HOMER1: variants seen among roughly 807,000 people sequenced by gnomAD.
HOMER1 encodes homer protein homolog 1.
Under a neutral mutation model 48.9 loss-of-function variants are expected in HOMER1, and 3 were observed. The ratio of observed to expected loss-of-function variants is 0.06; its 90% confidence interval spans 0.03 to 0.16. HOMER1 has a LOEUF of 0.16. HOMER1 is among the 10% of genes least tolerant of loss of function. HOMER1 has a pLI of 1.00. For missense variants in HOMER1, 247 were observed against 411.4 expected (o/e 0.60, Z 3.46); for synonymous variants, 134 against 146.4 (o/e 0.92, Z 0.61).
At chr5:79,505,217 C>T (rs1752714242) in intron 1 of HOMER1, among the ~76,000 whole-genome samples, 1 of 152,046 alleles carries the variant, frequency 6.6e-6, no homozygotes, top group Non-Finnish European at 1.5e-5. Flanking sequence ...TGAGATGGTG[C>T]CACTTCACTC....
At chr5:79,389,342 GA>G (rs1350032787) in intron 8 of HOMER1, among the ~76,000 whole-genome samples, 1 of 152,060 alleles carries the variant, frequency 6.6e-6, no homozygotes, top group Non-Finnish European at 1.5e-5. Context: ...CCATCCACAA[GA>G]AGATAAGCTT....
intron 6 of HOMER1, among the ~76,000 whole-genome samples, chr5:79,401,526 AC>A (rs1749537139): frequency 6.6e-6 from 1 of 152,114 alleles, no homozygotes; most frequent in Non-Finnish European, 1.5e-5. Context: ...CACCGTCAAC[AC>A]CCAAAGCTAA....
chr5:79,511,077 A>G (rs1354615835), intron 1 of HOMER1, among the ~76,000 whole-genome samples: 2 of 152,240 alleles, frequency 1.3e-5, no homozygotes, highest in African/African-American at 4.8e-5. Context: ...TGCAGCTTAA[A>G]GGTTCTGGAA....
chr5:79,499,113 C>A (rs1010528834), intron 1 of HOMER1, among the ~76,000 whole-genome samples: 1 of 152,078 alleles, frequency 6.6e-6, no homozygotes, highest in African/African-American at 2.4e-5. Context: ...GGATTACAGG[C>A]ATAAGCCACC....
At chr5:79,494,994 T>C (rs1752382070) in intron 1 of HOMER1, among the ~76,000 whole-genome samples, 1 of 152,238 alleles carries the variant, frequency 6.6e-6, no homozygotes, top group East Asian at 1.9e-4. Context: ...TCTAAAGTCA[T>C]ATGCAGGAAG....
intron 1 of HOMER1, among the ~76,000 whole-genome samples, chr5:79,464,025 C>T (rs1751388236): frequency 6.6e-6 from 1 of 152,164 alleles, no homozygotes; most frequent in East Asian, 1.9e-4. Flanking sequence ...AATTACTTCG[C>T]TTTCTTATCC....
chr5:79,506,184 G>A (rs1004153773), intron 1 of HOMER1, among the ~76,000 whole-genome samples: 11 of 151,500 alleles, frequency 7.3e-5, no homozygotes, highest in African/African-American at 2.2e-4. Flanking sequence ...GGGCAATCTC[G>A]GCTCACTGCA....
At position 79,397,570 on chromosome 5, in the gene HOMER1, T is replaced by C; in HGVS notation, c.752A>G (p.Gln251Arg). 6.2e-7 allele frequency: 1 copy of C among 1,609,858 alleles called. No individual in the cohort carries two copies. The highest frequency in any genetic ancestry group is 8.5e-7 in the Non-Finnish European group (1 of 1,177,750). ...AVHTHKTELN[Q>R]TIQELEETLK... ...TGTCTCTTCCAGTTCTTGTATTGTC[T>C]GATTTAATTCTGTCTTATGAGTATG... The change falls in exon 7 of 9, where the codon CAG becomes CGG. Residue 251 changes from glutamine (Q) to arginine (R), a missense_variant. By Grantham distance (43) the Gln-to-Arg change is conservative. Around this residue, in one of 4 missense-constraint regions of HOMER1, gnomAD observed 113 missense variants for 152.5 expected, o/e 0.74. Coordinates refer to ENST00000334082, the MANE Select transcript of HOMER1 (RefSeq NM_004272.5).
chr5:79,403,321 A>T (rs574810512), intron 5 of HOMER1, among the ~76,000 whole-genome samples: 1 of 152,138 alleles, frequency 6.6e-6, no homozygotes, highest in Non-Finnish European at 1.5e-5. Flanking sequence ...TGATGGGTTG[A>T]TATTTTATAG....
intron 8 of HOMER1, among the ~76,000 whole-genome samples, chr5:79,377,061 G>GT (rs1748790455): frequency 6.6e-6 from 1 of 152,092 alleles, no homozygotes; most frequent in South Asian, 2.1e-4. Context: ...CGCCTCCCAG[G>GT]TTCAAGCCAT....
At chr5:79,396,705 C>T (rs60547649) in intron 8 of HOMER1, 118 bp downstream of exon 8, 7,513 of 519,664 alleles carry the variant, frequency 0.014, 461 homozygotes, top group African/African-American at 0.13. Flanking sequence ...TCAGAAGTCC[C>T]GGAAAAGAAA....
intron 1 of HOMER1, among the ~76,000 whole-genome samples, chr5:79,507,474 A>T (rs983283178): frequency 1.3e-5 from 2 of 152,194 alleles, no homozygotes; most frequent in African/African-American, 4.8e-5. Context: ...GTCATAAGGC[A>T]TTACAAATAT....
At chr5:79,491,691 A>G (rs923221992) in intron 1 of HOMER1, among the ~76,000 whole-genome samples, 4 of 152,146 alleles carry the variant, frequency 2.6e-5, no homozygotes, top group East Asian at 1.9e-4. Flanking sequence ...TGCTTAGTCA[A>G]TTGGTTGTTT....
intron 1 of HOMER1, among the ~76,000 whole-genome samples, chr5:79,457,810 T>G (rs1438801328): frequency 2.6e-5 from 4 of 152,216 alleles, no homozygotes; most frequent in African/African-American, 9.6e-5. Context: ...TTAGTGTTGC[T>G]GGCACCTTCA....
chr5:79,502,838 T>TGC (rs1247462229), intron 1 of HOMER1, among the ~76,000 whole-genome samples: 1 of 152,232 alleles, frequency 6.6e-6, no homozygotes, highest in Non-Finnish European at 1.5e-5. Context: ...TCGCCCAGGC[T>TGC]GGAGTGCAGT....
At chr5:79,413,738 G>C (rs1749868880) in intron 5 of HOMER1, among the ~76,000 whole-genome samples, 1 of 149,942 alleles carries the variant, frequency 6.7e-6, no homozygotes. Context: ...TTCTGGGCTA[G>C]GTGCTTTCAT....
rs368140541 is a variant in HOMER1, at chr5:79,498,835, C to CTT, written c.5+13933_5+13934dup. The stretch of plus-strand genomic sequence containing the variant: ...TGGTCCTTCTACTTGCAGGTCTCCA[C>CTT]TTTTTTTTTTTTTTTTTCAGACAGA... On this transcript the variant is annotated intron_variant, in intron 1 of 8. Coordinates refer to ENST00000334082, the MANE Select transcript of HOMER1 (RefSeq NM_004272.5). Among the ~76,000 whole-genome samples, 1,201 of 133,890 alleles carry CTT rather than the reference C, an allele frequency of 9.0e-3. 31 individuals are homozygous for CTT. The highest frequency in any genetic ancestry group is 0.029 in the African/African-American group (1,024 of 35,864). 87.8% of individuals were successfully genotyped at this position (133,890 alleles called of 152,430 possible). A position where few individuals can be genotyped will look rare whatever the true frequency, so the allele number is the denominator to read the frequency against.
At chr5:79,441,680 GTTT>G (rs1416570274) in intron 4 of HOMER1, among the ~76,000 whole-genome samples, 1 of 151,736 alleles carries the variant, frequency 6.6e-6, no homozygotes, top group Non-Finnish European at 1.5e-5. Flanking sequence ...GAGAACTTGG[GTTT>G]TTTTAAAGTC....
chr5:79,438,910 G>A, intron 5 of HOMER1, 100 bp downstream of exon 5: 1 of 933,522 alleles, frequency 1.1e-6, no homozygotes, highest in Non-Finnish European at 1.6e-6. Flanking sequence ...AAGTCAACCT[G>A]GAGTTTTCAC....
Sources: gnomAD v4.1 joint callset for allele counts (sites outside exome capture counted in the v4.1 genomes callset) on GRCh38, gnomAD v4.1.1 for gene constraint, gnomAD v4.1.1 regional missense constraint, MANE v1.5 for transcripts, NCBI Gene and HGNC (gene_info 2026-07-23, HGNC 2026-07-21) for gene names.